ANKRD30A: variants seen among roughly 807,000 people sequenced by gnomAD.
ANKRD30A encodes the protein ankyrin repeat domain 30A.
ANKRD30A carries 170 observed loss-of-function variants against 166.3 expected under a neutral mutation model. The ratio of observed to expected loss-of-function variants is 1.02; its 90% CI spans 0.90 to 1.16. The LOEUF (loss-of-function observed/expected upper bound fraction) is 1.16, where lower values mean the gene tolerates loss of function less well. Ranked by LOEUF, ANKRD30A falls within the 50% of genes most tolerant of loss-of-function variation. ANKRD30A has a pLI of 0.00. For missense variants in ANKRD30A, 1,630 were observed against 1,518.0 expected (o/e 1.07, Z -1.23); for synonymous variants, 564 against 508.9 (o/e 1.11, Z -1.46).
intron 32 of ANKRD30A, among the ~76,000 whole-genome samples, chr10:37,217,392 T>A (rs1006685485): frequency 6.6e-6 from 1 of 150,974 alleles, no homozygotes; most frequent in Non-Finnish European, 1.5e-5. Flanking sequence ...GTGAGATTTT[T>A]AAAAAATAAT....
chr10:37,129,747 A>G (rs982652708), intron 1 of ANKRD30A, 146 bp from the exon 2 acceptor site: 1 of 389,920 alleles, frequency 2.6e-6, no homozygotes, highest in African/African-American at 2.2e-5. Context: ...GAGCAAATGA[A>G]TGTTGTACTT....
intron 12 of ANKRD30A, among the ~76,000 whole-genome samples, chr10:37,153,000 A>G (rs17590265): frequency 2.4e-4 from 37 of 152,232 alleles, no homozygotes; most frequent in African/African-American, 8.7e-4. Flanking sequence ...CACTTTTTCT[A>G]TCACCATAAA....
chr10:37,147,485 C>T (rs1270092808), intron 9 of ANKRD30A, 28 bp downstream of exon 9: 5 of 1,455,886 alleles, frequency 3.4e-6, no homozygotes, highest in Non-Finnish European at 3.8e-6. Flanking sequence ...TTTGAAAAGT[C>T]TTTTAACCAT....
chr10:37,179,042 ATATATATATATATATATATATAG>A, intron 24 of ANKRD30A, among the ~76,000 whole-genome samples: 2 of 125,562 alleles, frequency 1.6e-5, no homozygotes, highest in Non-Finnish European at 3.7e-5. Context: ...ATATATATAT[ATATATATATATATATATATATAG>A]ATGTGTGCAT....
intron 34 of ANKRD30A, among the ~76,000 whole-genome samples, chr10:37,223,319 AAAAG>A (rs1167391887): frequency 1.3e-5 from 2 of 151,274 alleles, no homozygotes; most frequent in Non-Finnish European, 3.0e-5. Flanking sequence ...TAGAAAAAGA[AAAAG>A]AAAAAAAAAC....
the ANKRD30A span, chr10:37,248,199 C>T: frequency 3.5e-5 from 22 of 633,326 alleles, no homozygotes; most frequent in Non-Finnish European, 6.2e-5. Flanking sequence ...GTTTCCCCAG[C>T]TCTACAAAAT....
At chr10:37,156,122 C>T (rs1028856616) in intron 13 of ANKRD30A, among the ~76,000 whole-genome samples, 2 of 151,844 alleles carry the variant, frequency 1.3e-5, no homozygotes, top group African/African-American at 4.8e-5. Context: ...CTTTACACCA[C>T]CTTTAATTAG....
intron 29 of ANKRD30A, among the ~76,000 whole-genome samples, chr10:37,197,847 T>G (rs865980535): frequency 3.9e-5 from 6 of 152,116 alleles, no homozygotes; most frequent in South Asian, 2.1e-4. Flanking sequence ...GATCCCATCT[T>G]TTACTGATAT....
chr10:37,235,720 T>C (rs1272607780), downstream of ANKRD30A, among the ~76,000 whole-genome samples: 1 of 151,952 alleles, frequency 6.6e-6, no homozygotes, highest in Non-Finnish European at 1.5e-5. Context: ...AATATTGTAT[T>C]TGTTGGGCTT....
intron 6 of ANKRD30A, among the ~76,000 whole-genome samples, chr10:37,139,377 G>A (rs1386430806): frequency 6.6e-6 from 1 of 152,158 alleles, no homozygotes; most frequent in Admixed American, 6.5e-5. Flanking sequence ...TATTAGTAAA[G>A]TTTTAATGAC....
At chr10:37,135,631 A>G (rs1465178097) in intron 5 of ANKRD30A, among the ~76,000 whole-genome samples, 1 of 152,148 alleles carries the variant, frequency 6.6e-6, no homozygotes, top group African/African-American at 2.4e-5. Context: ...AAATGATCAT[A>G]GTTACTAAGC....
At chr10:37,225,672 T>C (rs962074854) in intron 34 of ANKRD30A, among the ~76,000 whole-genome samples, 4 of 151,772 alleles carry the variant, frequency 2.6e-5, no homozygotes, top group Non-Finnish European at 4.4e-5. Flanking sequence ...ATTTTTAATA[T>C]GTTCTTTTTC....
intron 15 of ANKRD30A, among the ~76,000 whole-genome samples, chr10:37,159,316 A>C (rs952786800): frequency 1.8e-4 from 27 of 152,166 alleles, no homozygotes; most frequent in African/African-American, 5.8e-4. Flanking sequence ...CAGGAGTCCC[A>C]GACCAGCCTG....
rs190686350 is a variant in ANKRD30A at position 37,130,232 on chromosome 10, G to A, written c.364G>A (p.Ala122Thr). The change falls in exon 3 of 36, where the codon GCA becomes ACA. Residue 122 changes from alanine (A) to threonine (T), a missense_variant. This residue lies in a region of ANKRD30A where 904 missense variants were observed against 818.5 expected (regional missense o/e 1.10). Transcript: ENST00000361713. ...TCTACAATGCCATCAGGAGGCTTGT[G>A]CAAATATTCTGATAGATTCTGGTGC... ...KALQCHQEAC[A>T]NILIDSGADI... 2 of 1,598,242 alleles carry A rather than the reference G, an allele frequency of 1.3e-6. No homozygotes were observed. Among genetic ancestry groups the A allele is most frequent in the East Asian group, 4.6e-5 (2 of 43,382 alleles).
At position 37,143,028 on chromosome 10, in the gene ANKRD30A, G is replaced by C. The variant is rs941469648; in HGVS notation, c.1393+738G>C. 4.6e-4 allele frequency among the ~76,000 whole-genome samples: 70 copies of C among 152,200 alleles called. 3 individuals carry two copies. Among genetic ancestry groups the C allele is most frequent in the Admixed American group, 4.5e-3 (68 of 15,278 alleles). ...CTTGGAAGCTTGCAGTAATCTTCCT[G>C]TAACATTTTATTGGCTGGATTACAC... On this transcript the variant is annotated intron_variant, in intron 7 of 35. Coordinates refer to ENST00000361713, the MANE Select transcript of ANKRD30A (RefSeq NM_052997.3).
At chr10:37,161,972 T>A (rs1838927057) in intron 15 of ANKRD30A, among the ~76,000 whole-genome samples, 1 of 152,214 alleles carries the variant, frequency 6.6e-6, no homozygotes, top group South Asian at 2.1e-4. Context: ...TATGTTTAAT[T>A]CATCTATTGC....
chr10:37,207,227 C>T (rs904881287), intron 31 of ANKRD30A, among the ~76,000 whole-genome samples: 3 of 152,106 alleles, frequency 2.0e-5, no homozygotes, highest in Non-Finnish European at 4.4e-5. Flanking sequence ...ATTTTACATT[C>T]AGCTAAACTC....
chr10:37,261,579 A>C, the ANKRD30A span, among the ~76,000 whole-genome samples: 1 of 152,228 alleles, frequency 6.6e-6, no homozygotes, highest in Non-Finnish European at 1.5e-5. Context: ...AAACTGGATA[A>C]ATAGAAATTT....
intron 17 of ANKRD30A, among the ~76,000 whole-genome samples, chr10:37,164,796 G>A (rs1217115232): frequency 6.6e-6 from 1 of 152,064 alleles, no homozygotes; most frequent in East Asian, 1.9e-4. Context: ...AGGAAACCTA[G>A]GGCATACTGT....
Sources: allele counts gnomAD v4.1 joint callset (sites outside exome capture counted in the v4.1 genomes callset), GRCh38; gene constraint gnomAD v4.1.1; regional missense constraint gnomAD v4.1.1; transcripts MANE v1.5; gene names NCBI Gene and HGNC (gene_info 2026-07-23, HGNC 2026-07-21).